The following CLUH variants were observed in gnomAD, a reference collection of about 807,000 sequenced individuals.
CLUH encodes CLUH binding protein of NUMT mRNA, also known as clustered mitochondria protein homolog.
Under a neutral mutation model 139.3 loss-of-function variants are expected in CLUH, and 77 were observed. The observed-to-expected ratio is 0.55, with a 90% CI of 0.46 to 0.67. The LOEUF (loss-of-function observed/expected upper bound fraction) is 0.67. Ranked by LOEUF, CLUH falls within the 30% of genes least tolerant of loss-of-function variation. The pLI is 0.00. For missense variants in CLUH, 1,876 were observed against 1,875.8 expected, an observed-to-expected ratio of 1.00 and a Z score of 0.00; for synonymous variants, 999 against 801.6, an observed-to-expected ratio of 1.25 and a Z score of -4.16.
In CLUH at chr17:2,702,042, C is replaced by G; in HGVS notation, c.491G>C (p.Arg164Pro). Reference sequence around the variant, plus strand: ...ATGGCGCACGTGGATGCGGGCCTCACGCACCGTGTACGGCTCTGTCAGGAA... The same window carrying G: ...ATGGCGCACGTGGATGCGGGCCTCAGGCACCGTGTACGGCTCTGTCAGGAA... ...LRVVEEPYTV[R>P]EARIHVRHVR... is the part of the protein sequence containing the mutation. Residue 164 changes from arginine to proline, a missense_variant, in exon 4 of 26, where the codon CGT (arginine) becomes CCT (proline). This residue lies in a region of CLUH where 270 missense variants were observed against 354.7 expected (regional missense o/e 0.76). Transcript: ENST00000651024. The G allele has an allele frequency of 6.2e-7, 1 of 1,613,652 alleles. No individual in the cohort carries two copies. Among genetic ancestry groups the G allele is most frequent in the Non-Finnish European group, 8.5e-7 (1 of 1,179,788 alleles).
chr17:2,701,661 G>A lies in CLUH; in HGVS notation c.696C>T (p.Ser232=). Residue 232 remains serine, a synonymous_variant, in exon 5 of 26, where the codon AGC becomes AGT. Coordinates refer to ENST00000651024, the MANE Select transcript of CLUH (RefSeq NM_001366661.1). ...GCAGGGGACACAGTGGCCGCTCCCG[G>A]CTCCCTGGCAGGATGTACTCGGGTG... ...CTPPEYILPG[S]RERPLCPLQP... is the part of the protein sequence containing the mutation. 1 of 1,601,344 alleles carries A rather than the reference G, an allele frequency of 6.2e-7. No individual in the cohort carries two copies. The highest frequency in any genetic ancestry group is 8.5e-7 in the Non-Finnish European group (1 of 1,173,820).
In CLUH at chr17:2,690,618, G is replaced by T; in HGVS notation, c.4023C>A (p.Asp1341Glu). 6.7e-7 allele frequency: 1 copy of T among 1,500,616 alleles called. No individual in the cohort carries two copies. Among genetic ancestry groups the T allele is most frequent in the Non-Finnish European group, 8.8e-7 (1 of 1,130,668 alleles). The allele number at this position is 1,500,616 out of a possible 1,614,324, so 93.0% of individuals were successfully genotyped here. A position where few individuals can be genotyped will look rare whatever the true frequency, so the allele number is the denominator to read the frequency against. ...TCTATCCCTGCACGCTCGGAGAAGG[G>T]TCCTTGGCAGCCGGGGGCTGGGAGC... The part of the protein sequence containing the change: ...DLGSQPPAAK[D>E]PSPSVQG Residue 1341 changes from aspartate (D) to glutamate (E), a missense_variant, in exon 26 of 26, where the codon GAC (aspartate) becomes GAA (glutamate). Around this residue, in one of 3 missense-constraint regions of CLUH, gnomAD observed 1,454 missense variants for 1,384.4 expected, o/e 1.05. Coordinates refer to ENST00000651024, the MANE Select transcript of CLUH (RefSeq NM_001366661.1).
chr17:2,706,006 C>T lies in CLUH; in HGVS notation c.101-1442G>A, dbSNP rs1801873403. 6.6e-6 allele frequency among the ~76,000 whole-genome samples: 1 copy of T among 150,840 alleles called. No homozygotes were observed. Among genetic ancestry groups the T allele is most frequent in the South Asian group, 2.1e-4 (1 of 4,834 alleles). On this transcript the variant is annotated intron_variant, in intron 1 of 25. Coordinates refer to ENST00000651024, the MANE Select transcript of CLUH (RefSeq NM_001366661.1). This position sits in a 1 kb window ranked among gnomAD's most constrained non-coding sequence, Gnocchi z 4.6. ...CTGTCCATGGGCCAGGCTCACCTGC[C>T]TGGCTTGGCTTGAAGTTCAACGGTC... is the stretch of plus-strand genomic sequence containing the variant.
chr17:2,698,962 GC>G (rs2070078382), intron 9 of CLUH, among the ~76,000 whole-genome samples: 1 of 152,146 alleles, frequency 6.6e-6, no homozygotes, highest in Non-Finnish European at 1.5e-5. Flanking sequence ...CAGGAGAATT[GC>G]TTGAACCCGG....
rs2069640269 is a variant in CLUH at position 2,691,663 on chromosome 17, G to A, written c.3809C>T (p.Ala1270Val). 1.2e-6 allele frequency: 2 copies of A among 1,612,572 alleles called. No individual in the cohort carries two copies. The highest frequency in any genetic ancestry group is 2.2e-5 in the East Asian group (1 of 44,842). ...GACGTTCAGCTGCTCCAAGACGCTG[G>A]CCATGCTGGGGGCCGTGAACTGCGG... is the stretch of plus-strand genomic sequence containing the variant. ...PPLKFTAPSM[A>V]SVLEQLNVIN... Residue 1270 changes from alanine to valine, a missense_variant, in exon 25 of 26, where the codon GCC (alanine) becomes GTC (valine). This residue lies in a region of CLUH where 1,454 missense variants were observed against 1,384.4 expected (regional missense o/e 1.05). Transcript: ENST00000651024.
chr17:2,704,351 C>A lies in CLUH; in HGVS notation c.303+11G>T. ...CAGGCCTGGCCCCCAGCACCCGTTCCTCCATCTTACCTGCAGGGAGAAGGG... is the reference window on the plus strand; with the variant it reads ...CAGGCCTGGCCCCCAGCACCCGTTCATCCATCTTACCTGCAGGGAGAAGGG... On this transcript the variant is annotated intron_variant, in intron 2 of 25. Coordinates refer to ENST00000651024, the MANE Select transcript of CLUH (RefSeq NM_001366661.1). This position sits in a 1 kb window ranked among gnomAD's most constrained non-coding sequence, Gnocchi z 5.7. The A allele has an allele frequency of 6.2e-7, 1 of 1,607,214 alleles. No homozygotes were observed. Among genetic ancestry groups the A allele is most frequent in the East Asian group, 2.3e-5 (1 of 44,428 alleles).
chr17:2,694,443 GCGGGGACAC>G (rs2069845872), intron 17 of CLUH, 28 bp downstream of exon 17: 1 of 1,512,684 alleles, frequency 6.6e-7, no homozygotes, highest in East Asian at 2.5e-5. Context: ...CGGGGACACA[GCGGGGACAC>G]AGCGGGGATG....
In CLUH at chr17:2,707,399, C is replaced by A. The variant is rs2070380602; in HGVS notation, c.101-2835G>T. On this transcript the variant is annotated intron_variant, in intron 1 of 25. Coordinates refer to ENST00000651024, the MANE Select transcript of CLUH (RefSeq NM_001366661.1). The surrounding 1 kb of genome is among the most constrained non-coding windows in gnomAD (Gnocchi z 7.4). ...CCATGGCAGCCCCAGGAAGGGCACA[C>A]TCCCCCTGCCTGGCATCCCGCTCAA... 1 of 985,312 alleles carries A rather than the reference C, an allele frequency of 1.0e-6. No individual in the cohort carries two copies. The highest frequency in any genetic ancestry group is 4.7e-5 in the South Asian group (1 of 21,294). The allele number at this position is 985,312 out of a possible 1,614,324, so 61.0% of individuals were successfully genotyped here. A position where few individuals can be genotyped will look rare whatever the true frequency, so the allele number is the denominator to read the frequency against.
chr17:2,696,383 C>T (rs1163569731), intron 12 of CLUH, 51 bp downstream of exon 12: 10 of 1,528,166 alleles, frequency 6.5e-6, no homozygotes, highest in East Asian at 2.4e-5. Context: ...GGCCCCCCAG[C>T]GAAGCTCTGG....
chr17:2,710,389 A>G (rs2070476802), intron 1 of CLUH, among the ~76,000 whole-genome samples: 1 of 152,234 alleles, frequency 6.6e-6, no homozygotes, highest in Admixed American at 6.5e-5. Context: ...CAACTCCGCT[A>G]TGATGGGAAC....
At chr17:2,691,965 C>T (rs759580938) in intron 23 of CLUH, 39 bp downstream of exon 23, 1 of 682,692 alleles carries the variant, frequency 1.5e-6, no homozygotes, top group Non-Finnish European at 1.8e-6. Context: ...CGCCACGCCC[C>T]CGCCCCGCCC....
intron 5 of CLUH, 33 bp from the exon 6 acceptor site, chr17:2,701,553 C>A: frequency 6.2e-7 from 1 of 1,613,072 alleles, no homozygotes; most frequent in South Asian, 1.1e-5. Flanking sequence ...GGGGCCAGGC[C>A]TCTGGTGTGG....
Position 2,704,687 on chromosome 17 carries a change from C to T in CLUH, c.101-123G>A, listed in dbSNP as rs2070297126. 7.3e-6 allele frequency: 7 copies of T among 965,148 alleles called. No individual in the cohort carries two copies. The South Asian group carries it at 1.2e-4, about 16-fold the overall frequency. The allele number at this position is 965,148 out of a possible 1,614,324, so 59.8% of individuals were successfully genotyped here. On this transcript the variant is annotated intron_variant, in intron 1 of 25. Coordinates refer to ENST00000651024, the MANE Select transcript of CLUH (RefSeq NM_001366661.1). The surrounding 1 kb of genome is among the most constrained non-coding windows in gnomAD (Gnocchi z 5.7). Reference sequence around the variant, plus strand: ...ATCTGCATGCCCTCGAGAGTCCCAGCCTCACGGTCGCGCCTCGCCCTCCGT... The same window carrying T: ...ATCTGCATGCCCTCGAGAGTCCCAGTCTCACGGTCGCGCCTCGCCCTCCGT...
chr17:2,693,158 C>T (rs1331947026), intron 19 of CLUH, among the ~76,000 whole-genome samples: 1 of 13,756 alleles, frequency 7.3e-5, no homozygotes, highest in South Asian at 3.2e-3. Flanking sequence ...AAAAAAAAAG[C>T]CTGAGCAGGG....
Position 2,707,270 on chromosome 17 carries a change from C to T in CLUH, c.101-2706G>A, listed in dbSNP as rs1405667276. On this transcript the variant is annotated intron_variant, in intron 1 of 25. Coordinates refer to ENST00000651024, the MANE Select transcript of CLUH (RefSeq NM_001366661.1). The surrounding 1 kb of genome is among the most constrained non-coding windows in gnomAD (Gnocchi z 7.4). Reference sequence around the variant, plus strand: ...TCTCCAGCTCAGCCCCAGCATTGCCCGGGTTCCTTGTTCCAGCCTCTGCCG... The same window carrying T: ...TCTCCAGCTCAGCCCCAGCATTGCCTGGGTTCCTTGTTCCAGCCTCTGCCG... 4.5e-5 allele frequency: 44 copies of T among 985,298 alleles called. No individual in the cohort carries two copies. The highest frequency in any genetic ancestry group is 2.3e-4 in the South Asian group (5 of 21,296). 61.0% of individuals were successfully genotyped at this position (985,298 alleles called of 1,614,324 possible).
chr17:2,701,171 T>C lies in CLUH; in HGVS notation c.994A>G (p.Lys332Glu). 6.2e-7 allele frequency: 1 copy of C among 1,613,946 alleles called. No homozygotes were observed. Among genetic ancestry groups the C allele is most frequent in the Non-Finnish European group, 8.5e-7 (1 of 1,179,876 alleles). ...ELLNQISPTF[K>E]KNFAVLQKKR... The stretch of plus-strand genomic sequence containing the variant: ...TTCTGCAGCACAGCGAAGTTCTTCT[T>C]GAAGGTCGGGCTGATCTGGTTGAGC... The change falls in exon 7 of 26, where the codon AAG (lysine) becomes GAG (glutamate). Residue 332 changes from lysine to glutamate, a missense_variant. By Grantham distance (56) the Lys-to-Glu change is moderately conservative. This residue lies in a region of CLUH where 270 missense variants were observed against 354.7 expected (regional missense o/e 0.76). Coordinates refer to ENST00000651024, the MANE Select transcript of CLUH (RefSeq NM_001366661.1).
intron 25 of CLUH, among the ~76,000 whole-genome samples, chr17:2,691,030 G>T (rs2069604282): frequency 6.6e-6 from 1 of 151,982 alleles, no homozygotes; most frequent in Admixed American, 6.5e-5. Context: ...GAGGAAAGCG[G>T]AGTTGGGGGG....
rs761809741 is a variant in CLUH at position 2,701,492 on chromosome 17, A to G, written c.773T>C (p.Met258Thr). Reference sequence around the variant, plus strand: ...CCCCGGGGGCGGGTTCCATCCGCTCATGGTGAGTACTTTCAGGCACTGCAA... The same window carrying G: ...CCCCGGGGGCGGGTTCCATCCGCTCGTGGTGAGTACTTTCAGGCACTGCAA... Reference protein sequence around the residue: ...KPLQCLKVLTMSGWNPPPGNR... With the variant: ...KPLQCLKVLTTSGWNPPPGNR... The change falls in exon 6 of 26, where the codon ATG (methionine) becomes ACG (threonine). Residue 258 changes from methionine to threonine, a missense_variant. Around this residue, in one of 3 missense-constraint regions of CLUH, gnomAD observed 270 missense variants for 354.7 expected, o/e 0.76. Transcript: ENST00000651024. The G allele has an allele frequency of 2.5e-6, 4 of 1,613,758 alleles. No individual in the cohort carries two copies. The East Asian group carries it at 6.7e-5, about 27-fold the overall frequency.
Position 2,703,147 on chromosome 17 carries a change from A to G in CLUH, c.475+171T>C, listed in dbSNP as rs2070240585. ...AGCCCACGGCTCTGTTCTTTAACCC[A>G]TGGGCCGTGAAGTTGGCAGATATAG... On this transcript the variant is annotated intron_variant, in intron 3 of 25. Transcript: ENST00000651024. This position sits in a 1 kb window ranked among gnomAD's most constrained non-coding sequence, Gnocchi z 4.2. Among the ~76,000 whole-genome samples the G allele has an allele frequency of 6.6e-6, 1 of 152,184 alleles. No individual in the cohort carries two copies. The highest frequency in any genetic ancestry group is 2.1e-4 in the South Asian group (1 of 4,828).
Sources: allele counts gnomAD v4.1 joint callset (sites outside exome capture counted in the v4.1 genomes callset), GRCh38; gene constraint gnomAD v4.1.1; regional missense constraint gnomAD v4.1.1; non-coding constraint Gnocchi (gnomAD v3.1); transcripts MANE v1.5; gene names NCBI Gene and HGNC (gene_info 2026-07-23, HGNC 2026-07-21).